NALCN: variants seen among roughly 807,000 people sequenced by gnomAD.
The protein encoded by NALCN is sodium leak channel, non-selective.
NALCN carries 111 observed loss-of-function variants against 225.3 expected under a neutral mutation model. The ratio of observed to expected loss-of-function variants is 0.49; its 90% CI spans 0.42 to 0.58. The LOEUF (loss-of-function observed/expected upper bound fraction) is 0.58. NALCN is among the 20% of genes least tolerant of loss of function. The probability of loss-of-function intolerance (pLI) is 0.00; values close to 1 mark genes in which losing one functional copy is unlikely to be tolerated. For missense variants in NALCN, 1,378 were observed against 2,202.4 expected, an observed-to-expected ratio of 0.63 and a Z score of 7.49; for synonymous variants, 764 against 769.0, an observed-to-expected ratio of 0.99 and a Z score of 0.11.
At chr13:101,204,004 T>C (rs1338725576) in intron 13 of NALCN, among the ~76,000 whole-genome samples, 1 of 152,224 alleles carries the variant, frequency 6.6e-6, no homozygotes, top group Non-Finnish European at 1.5e-5. Flanking sequence ...ATGTCGTAAG[T>C]CATCACATGA....
In NALCN at chr13:101,272,892, C is replaced by G. The variant is rs186355736; in HGVS notation, c.1134+11041G>C. On this transcript the variant is annotated intron_variant, in intron 10 of 43. Coordinates refer to ENST00000251127, the MANE Select transcript of NALCN (RefSeq NM_052867.4). ...TGTCACTTGAAATGCTCACATCACA[C>G]AGGCCACCTCCCCTCAATCTTAGCC... 2.0e-5 allele frequency among the ~76,000 whole-genome samples: 3 copies of G among 152,288 alleles called. No individual in the cohort carries two copies. The East Asian group carries it at 5.8e-4, about 29-fold the overall frequency.
At chr13:101,311,461 A>G (rs1414713842) in intron 7 of NALCN, among the ~76,000 whole-genome samples, 1 of 143,214 alleles carries the variant, frequency 7.0e-6, no homozygotes, top group East Asian at 2.0e-4. Flanking sequence ...GAATGCTTCC[A>G]TTTTTGCCCA....
At chr13:101,188,342 T>C (rs116979842) in intron 14 of NALCN, among the ~76,000 whole-genome samples, 262 of 152,102 alleles carry the variant, frequency 1.7e-3, no homozygotes, top group Non-Finnish European at 3.0e-3. Flanking sequence ...CCACAAATAA[T>C]TGATAAGGAG....
chr13:101,058,432 T>G, intron 42 of NALCN: 3 of 187,226 alleles, frequency 1.6e-5, no homozygotes, highest in South Asian at 2.2e-4. Flanking sequence ...GGGGGCAGTC[T>G]ACTGTCACCA....
intron 6 of NALCN, among the ~76,000 whole-genome samples, chr13:101,362,936 C>A (rs1007897402): frequency 1.3e-5 from 2 of 151,998 alleles, no homozygotes; most frequent in African/African-American, 2.4e-5. Flanking sequence ...CATTTATATA[C>A]ACCAACAGTG....
chr13:101,073,811 T>C (rs776849851), intron 36 of NALCN, 134 bp from the exon 37 acceptor site: 1 of 644,784 alleles, frequency 1.6e-6, no homozygotes, highest in Non-Finnish European at 2.6e-6. Context: ...CCAAAGGTTA[T>C]ACCTTTTTAT....
In NALCN at chr13:101,199,008, G is replaced by C. The variant is rs548371528; in HGVS notation, c.1627-6954C>G. On this transcript the variant is annotated intron_variant, in intron 13 of 43. Coordinates refer to ENST00000251127, the MANE Select transcript of NALCN (RefSeq NM_052867.4). ...CCTTGTAGGGACATGGATGAAGCTGGAAACTATCATTCTCAGCAAACTATC... is the reference window on the plus strand; with the variant it reads ...CCTTGTAGGGACATGGATGAAGCTGCAAACTATCATTCTCAGCAAACTATC... Among the ~76,000 whole-genome samples, 23 of 152,118 alleles carry C rather than the reference G, an allele frequency of 1.5e-4. No homozygotes were observed. The South Asian group carries it at 4.8e-3, about 32-fold the overall frequency.
chr13:101,095,171 G>C (rs1168264978), intron 28 of NALCN, among the ~76,000 whole-genome samples: 1 of 152,124 alleles, frequency 6.6e-6, no homozygotes, highest in East Asian at 1.9e-4. Flanking sequence ...TTTTAAAATG[G>C]AAATAGCTTT....
At chr13:101,245,283 G>GAC (rs1037388532) in intron 11 of NALCN, among the ~76,000 whole-genome samples, 2 of 152,162 alleles carry the variant, frequency 1.3e-5, no homozygotes, top group African/African-American at 4.8e-5. Flanking sequence ...AAATTTGTAA[G>GAC]AGTATAATAA....
intron 15 of NALCN, among the ~76,000 whole-genome samples, chr13:101,166,131 G>A (rs1204711606): frequency 6.6e-6 from 1 of 152,098 alleles, no homozygotes; most frequent in Non-Finnish European, 1.5e-5. Context: ...ACCACATTTT[G>A]TTTATCTATT....
At chr13:101,175,259 G>GTT (rs762153298) in intron 15 of NALCN, among the ~76,000 whole-genome samples, 32 of 144,606 alleles carry the variant, frequency 2.2e-4, no homozygotes, top group Admixed American at 6.2e-4. Context: ...TGTTTGTTCT[G>GTT]TTTTTTTTTT....
intron 15 of NALCN, among the ~76,000 whole-genome samples, chr13:101,146,978 G>A (rs2037380272): frequency 1.3e-5 from 2 of 152,152 alleles, no homozygotes; most frequent in Admixed American, 6.5e-5. Context: ...GAGACTTCAC[G>A]GGCAGCAGAA....
intron 3 of NALCN, among the ~76,000 whole-genome samples, chr13:101,391,991 A>T (rs942801781): frequency 6.6e-6 from 1 of 151,024 alleles, no homozygotes; most frequent in African/African-American, 2.4e-5. Context: ...TCTCGAAAAA[A>T]CAAAAACAAA....
At chr13:101,211,936 T>A (rs1221815088) in intron 13 of NALCN, among the ~76,000 whole-genome samples, 1 of 152,014 alleles carries the variant, frequency 6.6e-6, no homozygotes, top group Non-Finnish European at 1.5e-5. Flanking sequence ...AAATAACATT[T>A]CTTCCAGTGT....
intron 6 of NALCN, among the ~76,000 whole-genome samples, chr13:101,371,241 AT>A (rs1317869158): frequency 6.6e-6 from 1 of 152,150 alleles, no homozygotes; most frequent in Non-Finnish European, 1.5e-5. Flanking sequence ...ATGGACATAC[AT>A]TTTTATTTAT....
chr13:101,333,217 AT>A (rs1269531885), intron 7 of NALCN, among the ~76,000 whole-genome samples: 1 of 152,200 alleles, frequency 6.6e-6, no homozygotes, highest in Non-Finnish European at 1.5e-5. Context: ...AAGCTGATCA[AT>A]AATAATCTTT....
chr13:101,161,951 AC>A (rs1170866860), intron 15 of NALCN, among the ~76,000 whole-genome samples: 1 of 152,096 alleles, frequency 6.6e-6, no homozygotes, highest in Non-Finnish European at 1.5e-5. Context: ...TGCCCTGCTG[AC>A]TTTTCCACAC....
intron 2 of NALCN, 146 bp from the exon 3 acceptor site, chr13:101,395,511 T>G: frequency 4.4e-6 from 3 of 684,970 alleles, no homozygotes; most frequent in Non-Finnish European, 7.0e-6. Flanking sequence ...TAACACTAAG[T>G]GCATATAATG....
intron 15 of NALCN, among the ~76,000 whole-genome samples, chr13:101,149,480 C>T (rs1368254177): frequency 2.6e-5 from 4 of 152,176 alleles, no homozygotes; most frequent in African/African-American, 9.7e-5. Context: ...AAAGCTTGTA[C>T]GCTCCTTAGG....
Sources: allele counts gnomAD v4.1 joint callset (sites outside exome capture counted in the v4.1 genomes callset), GRCh38; gene constraint gnomAD v4.1.1; transcripts MANE v1.5; gene names NCBI Gene and HGNC (gene_info 2026-07-23, HGNC 2026-07-21).